CDH12: variants seen among roughly 807,000 people sequenced by gnomAD.
The protein encoded by CDH12 is cadherin 12, also known as cadherin-12.
In CDH12, 41 loss-of-function variants were observed where a neutral mutation model predicts 74.1. The observed-to-expected ratio is 0.55, with a 90% confidence interval of 0.43 to 0.72. CDH12 has a LOEUF of 0.72. CDH12 is among the 30% of genes least tolerant of loss of function. The pLI is 0.00. For synonymous variants in CDH12, 399 were observed against 355.0 expected, an observed-to-expected ratio of 1.12 and a Z score of -1.39; for missense variants, 945 against 977.2, an observed-to-expected ratio of 0.97 and a Z score of 0.44.
chr5:22,778,666 A>T (rs940650057), intron 1 of CDH12, among the ~76,000 whole-genome samples: 7 of 152,190 alleles, frequency 4.6e-5, no homozygotes, highest in African/African-American at 1.7e-4. Context: ...AAGAAAATAC[A>T]TTATTTTTAA....
chr5:22,055,690 CATTA>C (rs1473266619), intron 5 of CDH12, among the ~76,000 whole-genome samples: 1 of 151,942 alleles, frequency 6.6e-6, no homozygotes, highest in Non-Finnish European at 1.5e-5. Context: ...TTCATTCATT[CATTA>C]ATCAAGATAA....
intron 1 of CDH12, among the ~76,000 whole-genome samples, chr5:22,532,754 A>G (rs967499992): frequency 6.6e-6 from 1 of 152,000 alleles, no homozygotes; most frequent in African/African-American, 2.4e-5. Context: ...AAAATGTTGG[A>G]ATTAGTGAAA....
chr5:22,007,407 TAC>T (rs1737030401), intron 5 of CDH12, among the ~76,000 whole-genome samples: 1 of 152,106 alleles, frequency 6.6e-6, no homozygotes, highest in Admixed American at 6.6e-5. Context: ...GCACAATGTA[TAC>T]ATAGTCCAAA....
intron 4 of CDH12, among the ~76,000 whole-genome samples, chr5:22,160,235 T>A (rs1209575339): frequency 1.3e-5 from 2 of 152,216 alleles, no homozygotes; most frequent in Admixed American, 1.3e-4. Flanking sequence ...CTCCTTTTTT[T>A]CTTTTTAGAA....
At chr5:22,629,855 A>T (rs1738492287) in intron 1 of CDH12, among the ~76,000 whole-genome samples, 1 of 152,114 alleles carries the variant, frequency 6.6e-6, no homozygotes, top group African/African-American at 2.4e-5. Flanking sequence ...TTAGCTAGAA[A>T]ACCCCATAGT....
chr5:22,161,678 C>T (rs1319848697), intron 4 of CDH12, among the ~76,000 whole-genome samples: 1 of 145,970 alleles, frequency 6.9e-6, no homozygotes, highest in Non-Finnish European at 1.5e-5. Context: ...GATGACAGAA[C>T]GAGAACCTCT....
intron 2 of CDH12, among the ~76,000 whole-genome samples, chr5:22,446,078 T>G (rs1363928106): frequency 6.6e-6 from 1 of 152,072 alleles, no homozygotes; most frequent in African/African-American, 2.4e-5. Flanking sequence ...GGCAACCCCA[T>G]TCAGGAAACC....
chr5:22,585,718 C>T (rs922168720), intron 1 of CDH12, among the ~76,000 whole-genome samples: 1 of 150,830 alleles, frequency 6.6e-6, no homozygotes, highest in Non-Finnish European at 1.5e-5. Context: ...CATTTTACTA[C>T]ATTTTTTTTT....
At chr5:22,745,204 A>T (rs967248924) in intron 1 of CDH12, among the ~76,000 whole-genome samples, 1 of 152,062 alleles carries the variant, frequency 6.6e-6, no homozygotes, top group African/African-American at 2.4e-5. Flanking sequence ...ATAGATTAAA[A>T]TTAGTATCAT....
chr5:22,071,889 C>T lies in CDH12; in HGVS notation c.231+6557G>A, dbSNP rs950022857. Reference sequence around the variant, plus strand: ...TTTTTATTCTTCCCTTTCTTTGATTCTCTGTATGCAATTACCCACTAATTT... The same window carrying T: ...TTTTTATTCTTCCCTTTCTTTGATTTTCTGTATGCAATTACCCACTAATTT... On this transcript the variant is annotated intron_variant, in intron 5 of 14. Transcript: ENST00000382254. 2.0e-5 allele frequency among the ~76,000 whole-genome samples: 3 copies of T among 152,062 alleles called. No individual in the cohort carries two copies. In the East Asian group the frequency reaches 5.8e-4, roughly 29 times the overall value.
At chr5:22,430,613 T>A (rs557649235) in intron 2 of CDH12, among the ~76,000 whole-genome samples, 3 of 152,252 alleles carry the variant, frequency 2.0e-5, no homozygotes, top group Middle Eastern at 3.4e-3. Flanking sequence ...CATCCGCATC[T>A]CCTCCTGTAT....
chr5:22,462,260 G>T (rs1354440630), intron 2 of CDH12, among the ~76,000 whole-genome samples: 1 of 152,072 alleles, frequency 6.6e-6, no homozygotes, highest in African/African-American at 2.4e-5. Context: ...AACAAGGAGG[G>T]AATTAAAGCC....
At chr5:22,326,306 C>T (rs1739099873) in intron 3 of CDH12, among the ~76,000 whole-genome samples, 1 of 151,920 alleles carries the variant, frequency 6.6e-6, no homozygotes, top group African/African-American at 2.4e-5. Flanking sequence ...GCGATCTCGG[C>T]TCACTGCAGG....
chr5:22,378,289 T>G (rs1158260376), intron 3 of CDH12, among the ~76,000 whole-genome samples: 1 of 152,110 alleles, frequency 6.6e-6, no homozygotes, highest in Non-Finnish European at 1.5e-5. Context: ...AACTCATATT[T>G]TTCTTCTGAT....
At chr5:21,857,421 T>A (rs1750812200) in intron 6 of CDH12, among the ~76,000 whole-genome samples, 1 of 151,738 alleles carries the variant, frequency 6.6e-6, no homozygotes. Flanking sequence ...AGGGCCAGAG[T>A]GCAGAATTTG....
chr5:22,576,413 G>A lies in CDH12; in HGVS notation c.-522-71049C>T, dbSNP rs191425999. Among the ~76,000 whole-genome samples the A allele has an allele frequency of 5.3e-5, 8 of 152,286 alleles. 1 individual carries two copies. The South Asian group carries it at 1.4e-3, about 28-fold the overall frequency. The stretch of plus-strand genomic sequence containing the variant: ...GTTGGTGTTGGGACCACAAATGCCT[G>A]TCCTAACACCATTTGATATTTTGAA... On this transcript the variant is annotated intron_variant, in intron 1 of 14. Transcript: ENST00000382254.
intron 1 of CDH12, among the ~76,000 whole-genome samples, chr5:22,565,992 C>T (rs546979481): frequency 3.9e-5 from 6 of 152,008 alleles, no homozygotes; most frequent in South Asian, 2.1e-4. Flanking sequence ...TCTAAATTTC[C>T]GCCACTTTAA....
chr5:21,845,527 A>G (rs1198443451), intron 7 of CDH12, among the ~76,000 whole-genome samples: 1 of 149,362 alleles, frequency 6.7e-6, no homozygotes. Context: ...CAGTTAGTGG[A>G]CATCTTTCTG....
intron 3 of CDH12, among the ~76,000 whole-genome samples, chr5:22,238,285 G>GAATACA (rs1460505403): frequency 6.6e-6 from 1 of 152,182 alleles, no homozygotes; most frequent in Admixed American, 6.5e-5. Context: ...TCCTGGTGGG[G>GAATACA]CTTGTGTAAT....
Sources: gnomAD v4.1 joint callset for allele counts (sites outside exome capture counted in the v4.1 genomes callset) on GRCh38, gnomAD v4.1.1 for gene constraint, MANE v1.5 for transcripts, NCBI Gene and HGNC (gene_info 2026-07-23, HGNC 2026-07-21) for gene names.